CDH4: variants seen among roughly 807,000 people sequenced by gnomAD.
The protein encoded by CDH4 is cadherin 4.
In CDH4, 33 loss-of-function variants were observed where a neutral mutation model predicts 86.0. The ratio of observed to expected loss-of-function variants is 0.38; its 90% CI spans 0.29 to 0.51. CDH4 has a LOEUF of 0.51. CDH4 is among the 20% of genes least tolerant of loss of function. CDH4 has a pLI of 0.86. For synonymous variants in CDH4, 555 were observed against 549.4 expected (o/e 1.01, Z -0.14); for missense variants, 1,114 against 1,307.4 (o/e 0.85, Z 2.28).
rs565095997 is a variant in CDH4, at chr20:61,514,676, C to T, written c.170-228887C>T. On this transcript the variant is annotated intron_variant, in intron 2 of 15. Coordinates refer to ENST00000614565, the MANE Select transcript of CDH4 (RefSeq NM_001794.5). Reference sequence around the variant, plus strand: ...CTTGTCAAAGGGCCATAGGCAAATACGCACTGGGGCTGAGGTTTGCTGGTA... The same window carrying T: ...CTTGTCAAAGGGCCATAGGCAAATATGCACTGGGGCTGAGGTTTGCTGGTA... Among the ~76,000 whole-genome samples the T allele has an allele frequency of 2.2e-4, 34 of 152,298 alleles. No individual in the cohort carries two copies. In the East Asian group the frequency reaches 4.8e-3, roughly 22 times the overall value.
At chr20:61,728,918 A>T (rs959353199) in intron 2 of CDH4, among the ~76,000 whole-genome samples, 1 of 152,174 alleles carries the variant, frequency 6.6e-6, no homozygotes, top group Non-Finnish European at 1.5e-5. Context: ...CCCAAGGAAC[A>T]CCCCTAGCCA....
intron 2 of CDH4, among the ~76,000 whole-genome samples, chr20:61,618,067 T>C (rs892816293): frequency 6.6e-6 from 1 of 152,178 alleles, no homozygotes; most frequent in African/African-American, 2.4e-5. Context: ...CATGTGGAAC[T>C]GTGAGTCCAT....
intron 2 of CDH4, among the ~76,000 whole-genome samples, chr20:61,680,086 C>G (rs1041580126): frequency 4.6e-5 from 7 of 152,324 alleles, no homozygotes; most frequent in South Asian, 4.1e-4. Context: ...GGACCCTGCC[C>G]CAGGGCTGCA....
chr20:61,635,937 T>C (rs1230598475), intron 2 of CDH4, among the ~76,000 whole-genome samples: 1 of 152,184 alleles, frequency 6.6e-6, no homozygotes, highest in African/African-American at 2.4e-5. Flanking sequence ...TCCCGCAGTC[T>C]TCCAGGGAGG....
At chr20:61,929,494 C>T (rs552844023) in intron 12 of CDH4, 115 bp from the exon 13 acceptor site, 1 of 725,176 alleles carries the variant, frequency 1.4e-6, no homozygotes, top group African/African-American at 1.7e-5. Context: ...TGTGTGGTAA[C>T]CAGGCAGCCA....
intron 2 of CDH4, among the ~76,000 whole-genome samples, chr20:61,452,411 T>G (rs2085385936): frequency 6.6e-6 from 1 of 152,186 alleles, no homozygotes. Flanking sequence ...AGATTGCTAA[T>G]CCTAGTGGGA....
chr20:61,786,505 A>AGGCCCTTT (rs952119456), intron 4 of CDH4, among the ~76,000 whole-genome samples: 3 of 152,118 alleles, frequency 2.0e-5, no homozygotes, highest in African/African-American at 4.8e-5. Context: ...AGGAACAGGC[A>AGGCCCTTT]GGCCCTTTGT....
rs181913444 is a variant in CDH4 at position 61,845,006 on chromosome 20, G to A, written c.732+183G>A. 3.2e-3 allele frequency among the ~76,000 whole-genome samples: 490 copies of A among 152,358 alleles called. 2 individuals carry two copies. Among genetic ancestry groups the A allele is most frequent in the African/African-American group, 1.0e-2 (415 of 41,602 alleles). On this transcript the variant is annotated intron_variant, in intron 5 of 15. Transcript: ENST00000614565. ...CCCAGGTCGCTGGGCACTGTCCCCC[G>A]TCTAATTCAGCAGGGTGGGCCCAGG...
rs1322672090 is a variant in CDH4 at position 61,393,527 on chromosome 20, G to T, written c.169+138590G>T. ...TAATTCTGAATGACAGCCCAGAGTG[G>T]GGTCTTTATGGAGCAGGATCCTCAC... On this transcript the variant is annotated intron_variant, in intron 2 of 15. Transcript: ENST00000614565. The surrounding 1 kb of genome is among the most constrained non-coding windows in gnomAD (Gnocchi z 4.3). 2.0e-5 allele frequency among the ~76,000 whole-genome samples: 3 copies of T among 152,156 alleles called. No homozygotes were observed. In the South Asian group the frequency reaches 6.2e-4, roughly 32 times the overall value.
intron 2 of CDH4, among the ~76,000 whole-genome samples, chr20:61,515,624 C>CA (rs1356046036): frequency 1.3e-5 from 2 of 152,204 alleles, no homozygotes; most frequent in Non-Finnish European, 2.9e-5. Context: ...TTAGAGGTGT[C>CA]ACTCCACACA....
At chr20:61,515,439 C>T (rs1176723358) in intron 2 of CDH4, among the ~76,000 whole-genome samples, 1 of 152,224 alleles carries the variant, frequency 6.6e-6, no homozygotes, top group African/African-American at 2.4e-5. Context: ...CCTGGTTTTC[C>T]CTGGATGGGA....
chr20:61,688,071 G>A (rs911181862), intron 2 of CDH4, among the ~76,000 whole-genome samples: 6 of 152,120 alleles, frequency 3.9e-5, no homozygotes, highest in Non-Finnish European at 8.8e-5. Context: ...CAGTGGGGTG[G>A]ACAGGATCAC....
At chr20:61,770,823 C>A (rs1162728388) in intron 3 of CDH4, among the ~76,000 whole-genome samples, 1 of 149,018 alleles carries the variant, frequency 6.7e-6, no homozygotes, top group Non-Finnish European at 1.5e-5. Context: ...GCGGTGCTTG[C>A]AGTGAGCCGA....
chr20:61,844,801 G>A lies in CDH4; in HGVS notation c.710G>A (p.Arg237Gln), dbSNP rs1982359857. The A allele has an allele frequency of 3.1e-6, 5 of 1,613,248 alleles. No individual in the cohort carries two copies. Among genetic ancestry groups the A allele is most frequent in the Non-Finnish European group, 4.2e-6 (5 of 1,179,500 alleles). ...ATGTACGTCACAAGGCCCATGGACC[G>A]GGAGGAGCACGCCTCTTACCACGTG... ...GRMYVTRPMD[R>Q]EEHASYHLRA... Residue 237 changes from arginine to glutamine, a missense_variant, in exon 5 of 16, where the codon CGG becomes CAG. Physicochemically the swap from Arg to Gln is conservative, Grantham distance 43. Transcript: ENST00000614565.
intron 2 of CDH4, among the ~76,000 whole-genome samples, chr20:61,339,767 C>A (rs1257419004): frequency 1.3e-5 from 2 of 152,170 alleles, no homozygotes; most frequent in Non-Finnish European, 2.9e-5. Context: ...ATGCTCAGTT[C>A]CCTGCAGGCA....
At chr20:61,552,460 G>A (rs1263497577) in intron 2 of CDH4, among the ~76,000 whole-genome samples, 1 of 152,220 alleles carries the variant, frequency 6.6e-6, no homozygotes. Flanking sequence ...AGCACTCTGG[G>A]AGTCCGAGGT....
intron 2 of CDH4, among the ~76,000 whole-genome samples, chr20:61,299,320 G>A (rs1271005981): frequency 1.3e-5 from 2 of 152,142 alleles, no homozygotes; most frequent in African/African-American, 4.8e-5. Flanking sequence ...CCTCCCAATG[G>A]GTCCCAGAGG....
intron 6 of CDH4, among the ~76,000 whole-genome samples, chr20:61,854,289 C>T (rs776587698): frequency 5.9e-5 from 9 of 152,200 alleles, no homozygotes; most frequent in Non-Finnish European, 8.8e-5. Context: ...GAAGGCAGGC[C>T]TTTATCACAC....
chr20:61,897,186 G>A (rs779907876), intron 8 of CDH4, among the ~76,000 whole-genome samples: 4 of 152,176 alleles, frequency 2.6e-5, no homozygotes, highest in African/African-American at 4.8e-5. Flanking sequence ...TCTCTGAGAC[G>A]TTGGGGGGCA....
Sources: allele counts gnomAD v4.1 joint callset (sites outside exome capture counted in the v4.1 genomes callset), GRCh38; gene constraint gnomAD v4.1.1; non-coding constraint Gnocchi (gnomAD v3.1); transcripts MANE v1.5; gene names NCBI Gene and HGNC (gene_info 2026-07-23, HGNC 2026-07-21).